Variants in SNRPA1 observed in about 807,000 individuals in gnomAD.
The protein encoded by SNRPA1 is small nuclear ribonucleoprotein polypeptide A', also known as U2 small nuclear ribonucleoprotein A'.
In SNRPA1, 5 loss-of-function variants were observed where a neutral mutation model predicts 32.3. The observed-to-expected ratio is 0.15, with a 90% CI of 0.08 to 0.33. The LOEUF (loss-of-function observed/expected upper bound fraction) is 0.33. Among genes scored for constraint, SNRPA1 ranks in the 10% least tolerant of loss-of-function variants. The pLI is 1.00. For missense variants in SNRPA1, 198 were observed against 311.1 expected (o/e 0.64, Z 2.74); for synonymous variants, 111 against 120.1 (o/e 0.92, Z 0.50).
chr15:101,293,834 C>A (rs960860717), intron 1 of SNRPA1, among the ~76,000 whole-genome samples: 3 of 152,150 alleles, frequency 2.0e-5, no homozygotes, highest in Non-Finnish European at 4.4e-5. Context: ...AGAACTTACC[C>A]AAAGTTAAAG....
intron 1 of SNRPA1, among the ~76,000 whole-genome samples, chr15:101,293,625 C>A (rs1044362161): frequency 6.6e-6 from 1 of 152,188 alleles, no homozygotes; most frequent in Middle Eastern, 3.2e-3. Flanking sequence ...ATTCTTAGAA[C>A]CCATCAGAAC....
chr15:101,289,498 G>A (rs867732780), intron 3 of SNRPA1, among the ~76,000 whole-genome samples: 8 of 152,144 alleles, frequency 5.3e-5, no homozygotes, highest in Non-Finnish European at 7.4e-5. Flanking sequence ...GAGAGAAAAC[G>A]GATTGAAGAA....
chr15:101,286,142 G>A lies in SNRPA1; in HGVS notation c.539+72C>T, dbSNP rs28558765. The stretch of plus-strand genomic sequence containing the variant: ...AGAGTTTTTGGTTAATTTTGTAGGA[G>A]ACGAACTGCCAGACAGATCAGATCA... On this transcript the variant is annotated intron_variant, in intron 6 of 8. Coordinates refer to ENST00000254193, the MANE Select transcript of SNRPA1 (RefSeq NM_003090.4). 0.011 allele frequency: 14,520 copies of A among 1,307,718 alleles called. 722 individuals carry two copies. In the African/African-American group the frequency reaches 0.11, roughly 10 times the overall value. The allele number at this position is 1,307,718 out of a possible 1,614,324, so 81.0% of individuals were successfully genotyped here.
At chr15:101,295,001 G>T in intron 1 of SNRPA1, 96 bp downstream of exon 1, 1 of 767,154 alleles carries the variant, frequency 1.3e-6, no homozygotes, top group Non-Finnish European at 1.9e-6. Context: ...ACCGGCCCGC[G>T]GGCCAAGCTC....
chr15:101,294,482 G>C (rs760201641), intron 1 of SNRPA1, among the ~76,000 whole-genome samples: 1 of 152,174 alleles, frequency 6.6e-6, no homozygotes, highest in Non-Finnish European at 1.5e-5. Flanking sequence ...AATAGTACAG[G>C]AATCTGAATA....
chr15:101,292,968 G>A, intron 2 of SNRPA1, 57 bp downstream of exon 2: 1 of 1,243,440 alleles, frequency 8.0e-7, no homozygotes, highest in African/African-American at 1.5e-5. Flanking sequence ...ACTTCTTCAG[G>A]AAACACTGCA....
chr15:101,293,306 C>T, intron 1 of SNRPA1, 134 bp from the exon 2 acceptor site: 1 of 575,968 alleles, frequency 1.7e-6, no homozygotes, highest in Non-Finnish European at 2.9e-6. Context: ...GCACCTATGT[C>T]GGGTCACGCA....
chr15:101,290,740 A>ATTTT (rs766825971), intron 3 of SNRPA1, among the ~76,000 whole-genome samples: 23 of 118,564 alleles, frequency 1.9e-4, no homozygotes, highest in African/African-American at 6.3e-4. Context: ...CACTTTTGGC[A>ATTTT]TTTTTTTTTT....
intron 1 of SNRPA1, 37 bp from the exon 2 acceptor site, chr15:101,293,209 T>C (rs779069860): frequency 4.9e-5 from 72 of 1,465,778 alleles, no homozygotes; most frequent in Non-Finnish European, 6.6e-5. Context: ...GAGGTATTAA[T>C]ATAACTAAAC....
Position 101,295,207 on chromosome 15 carries a change from G to A in SNRPA1, c.-29C>T, listed in dbSNP as rs1303015377. On this transcript the variant is annotated 5_prime_UTR_variant, in exon 1 of 9. Coordinates refer to ENST00000254193, the MANE Select transcript of SNRPA1 (RefSeq NM_003090.4). Reference sequence around the variant, plus strand: ...GCAGCCTCCCGTTCCCCCGCGCTGTGGAAAGCCCGTGGCCTCCCGCCAGCG... The same window carrying A: ...GCAGCCTCCCGTTCCCCCGCGCTGTAGAAAGCCCGTGGCCTCCCGCCAGCG... The A allele has an allele frequency of 5.3e-6, 8 of 1,509,592 alleles. No individual in the cohort carries two copies. Among genetic ancestry groups the A allele is most frequent in the Middle Eastern group, 2.3e-4 (1 of 4,268 alleles). The allele number at this position is 1,509,592 out of a possible 1,614,324, so 93.5% of individuals were successfully genotyped here.
intron 3 of SNRPA1, among the ~76,000 whole-genome samples, chr15:101,288,718 A>T (rs8027101): frequency 1.3e-5 from 2 of 152,026 alleles, no homozygotes; most frequent in African/African-American, 4.8e-5. Flanking sequence ...GAGAGCAACA[A>T]GGCTTGCAGG....
chr15:101,288,955 G>A (rs1043311109), intron 3 of SNRPA1, among the ~76,000 whole-genome samples: 8 of 152,168 alleles, frequency 5.3e-5, no homozygotes, highest in South Asian at 2.1e-4. Context: ...TGGAACAGGC[G>A]CAAATTGGGT....
At chr15:101,288,733 C>T (rs1304890344) in intron 3 of SNRPA1, among the ~76,000 whole-genome samples, 17 of 152,122 alleles carry the variant, frequency 1.1e-4, no homozygotes, top group South Asian at 2.1e-4. Flanking sequence ...TGCAGGGTGA[C>T]GGCCTTTGTA....
At chr15:101,292,794 C>G in intron 2 of SNRPA1, 2 of 308,132 alleles carry the variant, frequency 6.5e-6, no homozygotes, top group Non-Finnish European at 1.2e-5. Context: ...CCAGGTTAAT[C>G]TCTGGATCTC....
At chr15:101,282,821 G>A (rs2039411726) in intron 8 of SNRPA1, among the ~76,000 whole-genome samples, 1 of 152,176 alleles carries the variant, frequency 6.6e-6, no homozygotes, top group Non-Finnish European at 1.5e-5. Flanking sequence ...TACGGCAGTG[G>A]ATACAAGTTT....
At chr15:101,282,056 T>G (rs1302592085) in intron 8 of SNRPA1, among the ~76,000 whole-genome samples, 1 of 152,230 alleles carries the variant, frequency 6.6e-6, no homozygotes, top group Non-Finnish European at 1.5e-5. Flanking sequence ...TCATTTTTGG[T>G]GAAGGTAAAG....
At chr15:101,284,733 C>T (rs2039436073) in intron 8 of SNRPA1, 2 of 361,540 alleles carry the variant, frequency 5.5e-6, no homozygotes, top group Admixed American at 3.6e-5. Context: ...AACTCCTGAC[C>T]TCAGGTGATC....
At chr15:101,287,252 G>A (rs754346094) in intron 4 of SNRPA1, among the ~76,000 whole-genome samples, 1 of 152,092 alleles carries the variant, frequency 6.6e-6, no homozygotes, top group Admixed American at 6.5e-5. Context: ...TGTTACATAT[G>A]TATACATGTG....
At position 101,281,525 on chromosome 15, in the gene SNRPA1, G is replaced by A. The variant is rs1031859030; in HGVS notation, c.*199C>T. 8 of 554,400 alleles carry A rather than the reference G, an allele frequency of 1.4e-5. No individual in the cohort carries two copies. The highest frequency in any genetic ancestry group is 3.1e-5 in the East Asian group (1 of 32,184). 34.3% of individuals were successfully genotyped at this position (554,400 alleles called of 1,614,324 possible). A position where few individuals can be genotyped will look rare whatever the true frequency, so the allele number is the denominator to read the frequency against. On this transcript the variant is annotated 3_prime_UTR_variant, in exon 9 of 9. Coordinates refer to ENST00000254193, the MANE Select transcript of SNRPA1 (RefSeq NM_003090.4). Reference sequence around the variant, plus strand: ...GACACACAACTTGGTAGCATAGTGAGTGGAGTTTATTTTTATAATTTGTAG... The same window carrying A: ...GACACACAACTTGGTAGCATAGTGAATGGAGTTTATTTTTATAATTTGTAG...
Sources: allele counts gnomAD v4.1 joint callset (sites outside exome capture counted in the v4.1 genomes callset), GRCh38; gene constraint gnomAD v4.1.1; transcripts MANE v1.5; gene names NCBI Gene and HGNC (gene_info 2026-07-23, HGNC 2026-07-21).